The following PPP4R4 variants were observed in gnomAD, a reference collection of about 807,000 sequenced individuals.
PPP4R4 encodes protein phosphatase 4 regulatory subunit 4, also known as serine/threonine-protein phosphatase 4 regulatory subunit 4.
Under a neutral mutation model 121.8 loss-of-function variants are expected in PPP4R4, and 70 were observed. The observed-to-expected ratio is 0.57, with a 90% CI of 0.47 to 0.70. PPP4R4 has a LOEUF of 0.70. Among genes scored for constraint, PPP4R4 ranks in the 30% least tolerant of loss-of-function variants. The pLI is 0.00. For missense variants in PPP4R4, 875 were observed against 1,033.6 expected (o/e 0.85, Z 2.10); for synonymous variants, 348 against 355.7 (o/e 0.98, Z 0.24).
chr14:94,185,428 G>A (rs538178940), intron 2 of PPP4R4, among the ~76,000 whole-genome samples: 2 of 152,186 alleles, frequency 1.3e-5, no homozygotes, highest in African/African-American at 4.8e-5. Flanking sequence ...GATCGCTTGC[G>A]CTCAGGAGTT....
chr14:94,276,005 C>T (rs1894618735), intron 24 of PPP4R4, among the ~76,000 whole-genome samples: 1 of 152,052 alleles, frequency 6.6e-6, no homozygotes, highest in Non-Finnish European at 1.5e-5. Context: ...TTATAAAGGG[C>T]CTCCTTTCTC....
intron 23 of PPP4R4, among the ~76,000 whole-genome samples, chr14:94,271,660 A>G (rs1306701664): frequency 1.3e-5 from 2 of 152,218 alleles, no homozygotes. Context: ...CTAGAAAAGG[A>G]AAGAAAAGAT....
intron 2 of PPP4R4, among the ~76,000 whole-genome samples, chr14:94,200,908 G>A (rs1890142871): frequency 6.6e-6 from 1 of 151,648 alleles, no homozygotes; most frequent in African/African-American, 2.4e-5. Context: ...GTTCCTTGAG[G>A]TGCGACCTCA....
Position 94,251,779 on chromosome 14 carries a change from G to A in PPP4R4, c.1748G>A (p.Arg583Lys). ...QLGQGKSYWN[R>K]LRFLDTCEFI... Reference sequence around the variant, plus strand: ...GGCCAAGGAAAAAGTTACTGGAATAGACTTCGATTTTTGGATACCTGTGAA... The same window carrying A: ...GGCCAAGGAAAAAGTTACTGGAATAAACTTCGATTTTTGGATACCTGTGAA... Residue 583 changes from arginine (R) to lysine (K), a missense_variant, in exon 16 of 25, where the codon AGA becomes AAA. Coordinates refer to ENST00000304338, the MANE Select transcript of PPP4R4 (RefSeq NM_058237.2). 1 of 1,577,492 alleles carries A rather than the reference G, an allele frequency of 6.3e-7. No homozygotes were observed. The highest frequency in any genetic ancestry group is 8.6e-7 in the Non-Finnish European group (1 of 1,165,486).
chr14:94,224,780 T>C (rs1891604619), intron 3 of PPP4R4, among the ~76,000 whole-genome samples: 1 of 152,080 alleles, frequency 6.6e-6, no homozygotes, highest in Non-Finnish European at 1.5e-5. Context: ...AAGTAAAATT[T>C]ATACAGATTA....
chr14:94,261,789 G>A (rs1278980087), intron 19 of PPP4R4, among the ~76,000 whole-genome samples: 6 of 152,036 alleles, frequency 3.9e-5, no homozygotes, highest in African/African-American at 1.4e-4. Context: ...GCATTTTGTT[G>A]TATCTAGAAA....
chr14:94,272,468 A>T (rs1894387073), intron 23 of PPP4R4, among the ~76,000 whole-genome samples: 1 of 152,298 alleles, frequency 6.6e-6, no homozygotes, highest in Non-Finnish European at 1.5e-5. Context: ...GAAAAAACAA[A>T]ATTAGATCTT....
intron 3 of PPP4R4, among the ~76,000 whole-genome samples, chr14:94,217,265 G>C (rs932346541): frequency 2.0e-5 from 3 of 152,164 alleles, no homozygotes; most frequent in Non-Finnish European, 4.4e-5. Context: ...ATCTGAGGCT[G>C]CACGTTAAAC....
intron 2 of PPP4R4, among the ~76,000 whole-genome samples, chr14:94,202,979 C>T (rs1038779620): frequency 4.4e-4 from 39 of 87,688 alleles, no homozygotes; most frequent in South Asian, 2.8e-3. Context: ...CAGACTCCAT[C>T]TCAAAAAAAA....
chr14:94,264,106 T>C (rs574494084), intron 19 of PPP4R4, among the ~76,000 whole-genome samples: 1 of 152,310 alleles, frequency 6.6e-6, no homozygotes, highest in Non-Finnish European at 1.5e-5. Flanking sequence ...TTCATTGAGC[T>C]ATGAATTTGT....
At chr14:94,212,181 C>T (rs775060267) in intron 3 of PPP4R4, among the ~76,000 whole-genome samples, 10 of 151,986 alleles carry the variant, frequency 6.6e-5, no homozygotes, top group Admixed American at 1.3e-4. Flanking sequence ...TAAACTTTCA[C>T]CAGTGATATT....
intron 14 of PPP4R4, 77 bp downstream of exon 14, chr14:94,246,616 A>C: frequency 7.1e-7 from 1 of 1,414,864 alleles, no homozygotes; most frequent in East Asian, 2.3e-5. Context: ...TCATATTTTC[A>C]AAATAGTAGA....
rs73344822 is a variant in PPP4R4 at position 94,251,622 on chromosome 14, T to G, written c.1718-127T>G. On this transcript the variant is annotated intron_variant, in intron 15 of 24. Coordinates refer to ENST00000304338, the MANE Select transcript of PPP4R4 (RefSeq NM_058237.2). The stretch of plus-strand genomic sequence containing the variant: ...TATAATAATGATATTTTTCCTCTTA[T>G]GTCTTGTATTTGCTAGCCAAATTGT... 9,490 of 650,868 alleles carry G rather than the reference T, an allele frequency of 0.015. 282 individuals carry two copies. Among genetic ancestry groups the G allele is most frequent in the African/African-American group, 0.09 (4,782 of 53,060 alleles). 40.3% of individuals were successfully genotyped at this position (650,868 alleles called of 1,614,324 possible). A position where few individuals can be genotyped will look rare whatever the true frequency, so the allele number is the denominator to read the frequency against.
At chr14:94,216,270 T>G (rs1226004243) in intron 3 of PPP4R4, among the ~76,000 whole-genome samples, 1 of 152,164 alleles carries the variant, frequency 6.6e-6, no homozygotes, top group Non-Finnish European at 1.5e-5. Flanking sequence ...CTTGAGCACA[T>G]CAGAGTTGGT....
rs1566687238 is a variant in PPP4R4, at chr14:94,246,653, TAGG to T, written c.1611+119_1611+121del. 5.1e-6 allele frequency: 6 copies of T among 1,174,572 alleles called. No individual in the cohort carries two copies. The African/African-American group carries it at 9.3e-5, about 18-fold the overall frequency. 72.8% of individuals were successfully genotyped at this position (1,174,572 alleles called of 1,614,324 possible). On this transcript the variant is annotated intron_variant, in intron 14 of 24. Transcript: ENST00000304338. ...CAAACTCAGTTCATTCCATTCTACC[TAGG>T]AGGATGTCAGCTTCGTAGGTCCAGA...
chr14:94,263,495 A>G (rs758314116), intron 19 of PPP4R4, among the ~76,000 whole-genome samples: 2 of 152,186 alleles, frequency 1.3e-5, no homozygotes, highest in Admixed American at 6.5e-5. Flanking sequence ...TTCTATGCCA[A>G]GAATTTGTGT....
intron 7 of PPP4R4, among the ~76,000 whole-genome samples, chr14:94,235,362 A>G (rs1892278483): frequency 2.1e-5 from 3 of 141,112 alleles, no homozygotes; most frequent in African/African-American, 5.3e-5. Context: ...CAGGCTTCCA[A>G]TGTTTGTTTT....
chr14:94,275,777 AT>A (rs1304727239), intron 24 of PPP4R4, among the ~76,000 whole-genome samples: 3 of 152,098 alleles, frequency 2.0e-5, no homozygotes, highest in Non-Finnish European at 2.9e-5. Context: ...TCTGAAATCT[AT>A]TTTTTTTCTA....
At chr14:94,217,535 A>G (rs1248710492) in intron 3 of PPP4R4, among the ~76,000 whole-genome samples, 1 of 152,178 alleles carries the variant, frequency 6.6e-6, no homozygotes, top group African/African-American at 2.4e-5. Context: ...CCAAAACATA[A>G]AGCAACAACA....
Sources: allele counts gnomAD v4.1 joint callset (sites outside exome capture counted in the v4.1 genomes callset), GRCh38; gene constraint gnomAD v4.1.1; transcripts MANE v1.5; gene names NCBI Gene and HGNC (gene_info 2026-07-23, HGNC 2026-07-21).